Variants in ROS1 observed in about 807,000 individuals in gnomAD.
The protein encoded by ROS1 is proto-oncogene tyrosine-protein kinase ROS.
ROS1 carries 263 observed loss-of-function variants against 273.5 expected under a neutral mutation model. The observed-to-expected ratio is 0.96, with a 90% CI of 0.87 to 1.06. The LOEUF is 1.06. ROS1 is among the 50% of genes least tolerant of loss of function. The probability of loss-of-function intolerance (pLI) is 0.00; values close to 1 mark genes in which losing one functional copy is unlikely to be tolerated. For missense variants in ROS1, 2,833 were observed against 2,751.1 expected, an observed-to-expected ratio of 1.03 and a Z score of -0.67; for synonymous variants, 1,008 against 954.1, an observed-to-expected ratio of 1.06 and a Z score of -1.04.
intron 31 of ROS1, among the ~76,000 whole-genome samples, chr6:117,338,767 G>A (rs1777672713): frequency 6.6e-6 from 1 of 152,104 alleles, no homozygotes; most frequent in South Asian, 2.1e-4. Flanking sequence ...TTGGAGAGGT[G>A]CCACAGGATA....
At chr6:117,369,956 T>C (rs1232017404) in intron 18 of ROS1, among the ~76,000 whole-genome samples, 1 of 152,194 alleles carries the variant, frequency 6.6e-6, no homozygotes. Flanking sequence ...TGTACATGCA[T>C]ATACACATAT....
chr6:117,305,408 G>T (rs575712965), intron 42 of ROS1, among the ~76,000 whole-genome samples: 2 of 152,068 alleles, frequency 1.3e-5, no homozygotes, highest in Non-Finnish European at 2.9e-5. Flanking sequence ...ACCTCCAAAA[G>T]TTCAGCCTCT....
At chr6:117,413,835 G>T (rs1017634498) in intron 4 of ROS1, among the ~76,000 whole-genome samples, 8 of 152,096 alleles carry the variant, frequency 5.3e-5, no homozygotes, top group African/African-American at 1.9e-4. Context: ...TACAAAGTTA[G>T]CCAGGCATGG....
chr6:117,308,646 C>T, intron 42 of ROS1, 148 bp downstream of exon 42: 2 of 733,206 alleles, frequency 2.7e-6, no homozygotes, highest in South Asian at 5.1e-5. Flanking sequence ...CACAAATTGA[C>T]ACAATGAATT....
intron 13 of ROS1, 70 bp downstream of exon 13, chr6:117,389,280 A>G: frequency 1.3e-6 from 2 of 1,507,250 alleles, no homozygotes; most frequent in Non-Finnish European, 1.8e-6. Context: ...TTGAATCACA[A>G]CGCCAAGCAG....
chr6:117,321,414 A>G lies in ROS1; in HGVS notation c.5624-20T>C, dbSNP rs1776284828. Reference sequence around the variant, plus strand: ...GCCAGACTATAAAGGAAAAAATGACATAATTTACAAAATAAAATATTGCTT... The same window carrying G: ...GCCAGACTATAAAGGAAAAAATGACGTAATTTACAAAATAAAATATTGCTT... On this transcript the variant is annotated intron_variant, in intron 35 of 43. Coordinates refer to ENST00000368507, the MANE Select transcript of ROS1 (RefSeq NM_001378902.1). The G allele has an allele frequency of 6.4e-7, 1 of 1,570,902 alleles. No homozygotes were observed. Among genetic ancestry groups the G allele is most frequent in the South Asian group, 1.2e-5 (1 of 84,598 alleles).
At chr6:117,419,220 G>T (rs186211930) in intron 1 of ROS1, among the ~76,000 whole-genome samples, 2 of 152,294 alleles carry the variant, frequency 1.3e-5, no homozygotes, top group Admixed American at 1.3e-4. Flanking sequence ...TCCATCCTCA[G>T]CACCTGGAAC....
At chr6:117,296,175 A>G (rs993318976) in intron 43 of ROS1, among the ~76,000 whole-genome samples, 1 of 152,182 alleles carries the variant, frequency 6.6e-6, no homozygotes, top group African/African-American at 2.4e-5. Context: ...AGGTAGGCGG[A>G]TCACTTGAGG....
rs1054726851 is a variant in ROS1 at position 117,359,849 on chromosome 6, G to A, written c.3593C>T (p.Ser1198Leu). 4 of 1,613,758 alleles carry A rather than the reference G, an allele frequency of 2.5e-6. No homozygotes were observed. In the African/African-American group the frequency reaches 5.3e-5, roughly 22 times the overall value. The change falls in exon 24 of 44, where the codon TCA (serine) becomes TTA (leucine). Residue 1198 changes from serine (S) to leucine (L), a missense_variant. By Grantham distance (145) the Ser-to-Leu change is moderately radical. Transcript: ENST00000368507. ...ATTGTGCAAGTGCAGAAGAAAGAGT[G>A]AGTCCCCTTCAGCATAATATCCCAT... ...NEMGYYAEGD[S>L]LFLLHLHNRS...
At chr6:117,343,394 G>A (rs893013406) in intron 28 of ROS1, among the ~76,000 whole-genome samples, 4 of 152,110 alleles carry the variant, frequency 2.6e-5, no homozygotes, top group Admixed American at 2.6e-4. Flanking sequence ...ATAAAGCCAA[G>A]CACAAAGCAA....
At chr6:117,341,109 A>C (rs1000727328) in intron 31 of ROS1, 26 bp downstream of exon 31, 21 of 1,505,290 alleles carry the variant, frequency 1.4e-5, no homozygotes, top group Non-Finnish European at 1.9e-5. Context: ...TATATCATAA[A>C]ATAAAGACTT....
chr6:117,307,506 T>G (rs1017831262), intron 42 of ROS1, among the ~76,000 whole-genome samples: 4 of 152,168 alleles, frequency 2.6e-5, no homozygotes. Flanking sequence ...TCTTAAACCC[T>G]ACATGAAAGG....
At chr6:117,402,564 G>A (rs1341445690) in intron 7 of ROS1, among the ~76,000 whole-genome samples, 2 of 152,112 alleles carry the variant, frequency 1.3e-5, no homozygotes, top group East Asian at 3.8e-4. Context: ...TATTTCTTAT[G>A]TTTATTGCAG....
chr6:117,299,693 C>T (rs1177385461), intron 43 of ROS1: 2 of 152,120 alleles, frequency 1.3e-5, no homozygotes, highest in Non-Finnish European at 1.5e-5. Flanking sequence ...TAAGCAAGGA[C>T]GTCTGCATTT....
intron 1 of ROS1, among the ~76,000 whole-genome samples, chr6:117,419,505 A>C (rs1312720372): frequency 1.3e-5 from 2 of 152,188 alleles, no homozygotes; most frequent in Non-Finnish European, 2.9e-5. Context: ...AAGAAGGATG[A>C]TTATTGGCTT....
At chr6:117,317,819 A>C (rs557686144) in intron 38 of ROS1, among the ~76,000 whole-genome samples, 1 of 152,262 alleles carries the variant, frequency 6.6e-6, no homozygotes, top group South Asian at 2.1e-4. Context: ...TTACTAAGAC[A>C]AAGGATATTT....
At chr6:117,310,019 T>C in intron 41 of ROS1, 62 bp downstream of exon 41, 1 of 1,426,422 alleles carries the variant, frequency 7.0e-7, no homozygotes, top group Non-Finnish European at 9.8e-7. Context: ...AGATGTCCTT[T>C]TAAAATCCCC....
At chr6:117,303,151 T>C (rs1261606449) in intron 42 of ROS1, among the ~76,000 whole-genome samples, 1 of 152,208 alleles carries the variant, frequency 6.6e-6, no homozygotes, top group Non-Finnish European at 1.5e-5. Context: ...TACTGACTTA[T>C]TATAAACAAG....
chr6:117,393,386 C>T lies in ROS1; in HGVS notation c.1192-65G>A. The T allele has an allele frequency of 4.9e-6, 5 of 1,010,614 alleles. No homozygotes were observed. In the Middle Eastern group the frequency reaches 1.2e-3, roughly 236 times the overall value. 62.6% of individuals were successfully genotyped at this position (1,010,614 alleles called of 1,614,324 possible). ...TCTATACAGCATTAAATTCAGCCAA[C>T]AAGTATCCCTGAGTATCTGTTCTGT... is the stretch of plus-strand genomic sequence containing the variant. On this transcript the variant is annotated intron_variant, in intron 11 of 43. Coordinates refer to ENST00000368507, the MANE Select transcript of ROS1 (RefSeq NM_001378902.1).
Sources: gnomAD v4.1 joint callset for allele counts (sites outside exome capture counted in the v4.1 genomes callset) on GRCh38, gnomAD v4.1.1 for gene constraint, MANE v1.5 for transcripts, NCBI Gene and HGNC (gene_info 2026-07-23, HGNC 2026-07-21) for gene names.